Variants in CNTN5 observed in about 807,000 individuals in gnomAD.
CNTN5 encodes contactin-5.
CNTN5 carries 77 observed loss-of-function variants against 129.1 expected under a neutral mutation model. The ratio of observed to expected loss-of-function variants is 0.60; its 90% CI spans 0.50 to 0.72. The LOEUF (loss-of-function observed/expected upper bound fraction) is 0.72. Ranked by LOEUF, CNTN5 falls within the 30% of genes least tolerant of loss-of-function variation. CNTN5 has a pLI of 0.00. For missense variants in CNTN5, 1,478 were observed against 1,328.8 expected (o/e 1.11, Z -1.75); for synonymous variants, 509 against 465.6 (o/e 1.09, Z -1.20).
intron 3 of CNTN5, among the ~76,000 whole-genome samples, chr11:99,677,533 C>T (rs1304298770): frequency 6.6e-6 from 1 of 152,144 alleles, no homozygotes. Flanking sequence ...CATGCAGTCT[C>T]ATGCTGATCT....
At chr11:99,485,192 T>C (rs554399213) in intron 2 of CNTN5, among the ~76,000 whole-genome samples, 1 of 151,556 alleles carries the variant, frequency 6.6e-6, no homozygotes, top group East Asian at 1.9e-4. Context: ...ACATTATGAG[T>C]CAATGAAACA....
rs181469023 is a variant in CNTN5 at position 99,300,634 on chromosome 11, C to T, written c.-209-24712C>T. ...AAAATTTTGTATTCAGCCATGCTCT[C>T]TTTTAAAAATAAGAGAGGAATTATG... On this transcript the variant is annotated intron_variant, in intron 1 of 24. Coordinates refer to ENST00000524871, the MANE Select transcript of CNTN5 (RefSeq NM_014361.4). Among the ~76,000 whole-genome samples, 1,205 of 152,054 alleles carry T rather than the reference C, an allele frequency of 7.9e-3. 6 individuals are homozygous for T. Among genetic ancestry groups the T allele is most frequent in the Middle Eastern group, 0.02 (6 of 294 alleles).
intron 16 of CNTN5, among the ~76,000 whole-genome samples, chr11:100,235,134 G>A (rs971385041): frequency 1.3e-5 from 2 of 152,170 alleles, no homozygotes; most frequent in Admixed American, 1.3e-4. Context: ...AATATTGGAA[G>A]TACATTGTAT....
chr11:100,068,249 A>C (rs1565209838), intron 10 of CNTN5, among the ~76,000 whole-genome samples: 1 of 152,182 alleles, frequency 6.6e-6, no homozygotes, highest in South Asian at 2.1e-4. Context: ...TTAAATAACA[A>C]TTTAAGTCAG....
At chr11:99,933,431 C>A (rs913338855) in intron 7 of CNTN5, among the ~76,000 whole-genome samples, 1 of 152,158 alleles carries the variant, frequency 6.6e-6, no homozygotes, top group Admixed American at 6.5e-5. Flanking sequence ...CATGTAACCA[C>A]TACCATAATC....
intron 15 of CNTN5, among the ~76,000 whole-genome samples, chr11:100,197,242 G>A (rs1948662508): frequency 6.6e-6 from 1 of 151,954 alleles, no homozygotes; most frequent in South Asian, 2.1e-4. Flanking sequence ...GTCACTGTTT[G>A]TTGAATAAGT....
At chr11:99,448,661 C>G (rs759869681) in intron 2 of CNTN5, among the ~76,000 whole-genome samples, 1 of 151,610 alleles carries the variant, frequency 6.6e-6, no homozygotes, top group African/African-American at 2.4e-5. Context: ...AAGATTTACT[C>G]TTGTTGTATT....
intron 2 of CNTN5, among the ~76,000 whole-genome samples, chr11:99,389,566 T>C (rs1255666853): frequency 6.6e-6 from 1 of 152,168 alleles, no homozygotes; most frequent in Non-Finnish European, 1.5e-5. Context: ...AGAATCAGCA[T>C]AGTGTAGACC....
At chr11:99,408,448 G>GAGAAGAA (rs1555137776) in intron 2 of CNTN5, among the ~76,000 whole-genome samples, 5 of 78,088 alleles carry the variant, frequency 6.4e-5, no homozygotes, top group South Asian at 1.1e-3. Flanking sequence ...AAGAAAGAAA[G>GAGAAGAA]AGAAAGAAAG....
intron 6 of CNTN5, among the ~76,000 whole-genome samples, chr11:99,853,261 A>G (rs1421245376): frequency 6.6e-6 from 1 of 152,126 alleles, no homozygotes; most frequent in Non-Finnish European, 1.5e-5. Context: ...AAATGTTGCT[A>G]TGTTTCATGT....
At chr11:99,184,019 G>A (rs1404249821) in intron 1 of CNTN5, among the ~76,000 whole-genome samples, 6 of 151,986 alleles carry the variant, frequency 3.9e-5, no homozygotes. Context: ...TGTCCATGCA[G>A]CATTGTATTC....
At chr11:99,841,781 TTATATA>T (rs755315937) in intron 4 of CNTN5, among the ~76,000 whole-genome samples, 2 of 96,968 alleles carry the variant, frequency 2.1e-5, no homozygotes, top group African/African-American at 7.0e-5. Flanking sequence ...GGTTTGACAT[TTATATA>T]TATATATATA....
intron 21 of CNTN5, among the ~76,000 whole-genome samples, chr11:100,319,846 C>T (rs1951651131): frequency 6.6e-6 from 1 of 152,156 alleles, no homozygotes; most frequent in South Asian, 2.1e-4. Context: ...ACATAATGGT[C>T]TCCAGATTCA....
In CNTN5 at chr11:99,636,279, A is replaced by G. The variant is rs986895467; in HGVS notation, c.55+80010A>G. Among the ~76,000 whole-genome samples, 4 of 152,314 alleles carry G rather than the reference A, an allele frequency of 2.6e-5. No homozygotes were observed. The South Asian group carries it at 8.3e-4, about 32-fold the overall frequency. ...GGTGGCCTAGCCAAATAATTACCCAATGAAAGTGAAAAAGCATCTTCCCTA... is the reference window on the plus strand; with the variant it reads ...GGTGGCCTAGCCAAATAATTACCCAGTGAAAGTGAAAAAGCATCTTCCCTA... On this transcript the variant is annotated intron_variant, in intron 3 of 24. Coordinates refer to ENST00000524871, the MANE Select transcript of CNTN5 (RefSeq NM_014361.4).
intron 6 of CNTN5, among the ~76,000 whole-genome samples, chr11:99,913,197 G>C (rs1203955062): frequency 1.3e-5 from 2 of 151,908 alleles, no homozygotes; most frequent in African/African-American, 4.8e-5. Flanking sequence ...TCTCTTCTTA[G>C]TGAGAGATGA....
chr11:99,424,070 G>GTACA (rs1323311698), intron 2 of CNTN5, among the ~76,000 whole-genome samples: 2 of 151,850 alleles, frequency 1.3e-5, no homozygotes, highest in Non-Finnish European at 2.9e-5. Context: ...TTTCCTATAC[G>GTACA]TACATACATA....
chr11:99,970,393 C>A (rs1951216997), intron 8 of CNTN5, among the ~76,000 whole-genome samples: 1 of 152,182 alleles, frequency 6.6e-6, no homozygotes, highest in African/African-American at 2.4e-5. Context: ...AAACTACAAT[C>A]TATTTGCCTA....
Position 99,100,100 on chromosome 11 carries a change from A to C in CNTN5, c.-210+78830A>C, listed in dbSNP as rs557511711. ...ATTTGGGAAAAAAATTTTATAAAGT[A>C]ATGACCCAAAAAACAATCAACGCTT... On this transcript the variant is annotated intron_variant, in intron 1 of 24. Coordinates refer to ENST00000524871, the MANE Select transcript of CNTN5 (RefSeq NM_014361.4). Among the ~76,000 whole-genome samples the C allele has an allele frequency of 4.6e-5, 7 of 152,300 alleles. No individual in the cohort carries two copies. In the East Asian group the frequency reaches 1.2e-3, roughly 25 times the overall value.
At position 100,123,310 on chromosome 11, in the gene CNTN5, A is replaced by T. The variant is rs1229078974; in HGVS notation, c.1580+49016A>T. On this transcript the variant is annotated intron_variant, in intron 13 of 24. Coordinates refer to ENST00000524871, the MANE Select transcript of CNTN5 (RefSeq NM_014361.4). ...CTATTATTGTTAGATAAAAATCAGC[A>T]CTTTCTTTTATATCTCTATATATGT... Among the ~76,000 whole-genome samples the T allele has an allele frequency of 1.1e-4, 17 of 152,006 alleles. 1 individual carries two copies. Among genetic ancestry groups the T allele is most frequent in the Non-Finnish European group, 4.4e-5 (3 of 67,944 alleles).
Sources: gnomAD v4.1 joint callset for allele counts (sites outside exome capture counted in the v4.1 genomes callset) on GRCh38, gnomAD v4.1.1 for gene constraint, MANE v1.5 for transcripts, NCBI Gene and HGNC (gene_info 2026-07-23, HGNC 2026-07-21) for gene names.